The following SNX14 variants were observed in gnomAD, a reference collection of about 807,000 sequenced individuals.
The protein encoded by SNX14 is sorting nexin-14.
A neutral mutation model predicts 133.8 loss-of-function variants in SNX14; 93 were observed. The observed-to-expected ratio is 0.70, with a 90% CI of 0.59 to 0.83. The LOEUF (loss-of-function observed/expected upper bound fraction) is 0.83. SNX14 is among the 40% of genes least tolerant of loss of function. The pLI is 0.00. For synonymous variants in SNX14, 368 were observed against 365.6 expected (o/e 1.01, Z -0.07); for missense variants, 945 against 1,094.9 (o/e 0.86, Z 1.93).
chr6:85,512,039 CT>C (rs1402039826), intron 26 of SNX14, among the ~76,000 whole-genome samples: 2 of 152,126 alleles, frequency 1.3e-5, no homozygotes, highest in East Asian at 1.9e-4. Flanking sequence ...TCAGGCCCCC[CT>C]GACCCCCTTG....
intron 1 of SNX14, among the ~76,000 whole-genome samples, chr6:85,578,110 G>C (rs906228402): frequency 2.0e-5 from 3 of 152,046 alleles, no homozygotes; most frequent in African/African-American, 7.2e-5. Context: ...TAGGAGAAAA[G>C]GAGGCAAGAG....
chr6:85,548,450 A>C, intron 8 of SNX14, 74 bp from the exon 9 acceptor site: 1 of 1,120,044 alleles, frequency 8.9e-7, no homozygotes, highest in East Asian at 2.7e-5. Context: ...GTGCATGTGA[A>C]TTACGTAAGG....
rs1271931954 is a variant in SNX14 at position 85,572,134 on chromosome 6, T to C, written c.417+3A>G. The C allele has an allele frequency of 1.2e-6, 2 of 1,607,026 alleles. No homozygotes were observed. Among genetic ancestry groups the C allele is most frequent in the Non-Finnish European group, 1.7e-6 (2 of 1,177,272 alleles). Reference sequence around the variant, plus strand: ...TGTTAATAATATTAATTAAATCAGTTACCTCTGAGAGAGATGCATCAACCT... The same window carrying C: ...TGTTAATAATATTAATTAAATCAGTCACCTCTGAGAGAGATGCATCAACCT... On this transcript the variant is annotated splice_donor_region_variant and intron_variant, in intron 4 of 28. Coordinates refer to ENST00000314673, the MANE Select transcript of SNX14 (RefSeq NM_153816.6).
At chr6:85,537,459 GC>G (rs1395754403) in intron 16 of SNX14, among the ~76,000 whole-genome samples, 2 of 152,140 alleles carry the variant, frequency 1.3e-5, no homozygotes, top group Non-Finnish European at 2.9e-5. Flanking sequence ...AGGGATAAAA[GC>G]AAATGTAGCC....
chr6:85,518,809 C>G (rs1346476653), intron 21 of SNX14, among the ~76,000 whole-genome samples: 1 of 152,168 alleles, frequency 6.6e-6, no homozygotes, highest in African/African-American at 2.4e-5. Flanking sequence ...TCATAACACC[C>G]CCTCCTTAGA....
chr6:85,561,672 C>T (rs1791653040), intron 6 of SNX14, among the ~76,000 whole-genome samples: 1 of 152,128 alleles, frequency 6.6e-6, no homozygotes, highest in Non-Finnish European at 1.5e-5. Context: ...AAATCAGCAT[C>T]AGCCCACCAC....
At chr6:85,515,262 CA>C (rs751549621) in intron 23 of SNX14, among the ~76,000 whole-genome samples, 655 of 22,750 alleles carry the variant, frequency 0.029, 1 homozygote, top group African/African-American at 0.07. Context: ...GCAAGACCGT[CA>C]AAAAAAAAAA....
chr6:85,524,629 A>T (rs1778002870), intron 21 of SNX14, among the ~76,000 whole-genome samples: 1 of 151,874 alleles, frequency 6.6e-6, no homozygotes, highest in African/African-American at 2.4e-5. Context: ...TAAAACTACA[A>T]AAAAATTAGC....
chr6:85,545,282 C>G (rs1582806308), intron 12 of SNX14, among the ~76,000 whole-genome samples: 1 of 151,994 alleles, frequency 6.6e-6, no homozygotes, highest in South Asian at 2.1e-4. Context: ...AAACAAACAC[C>G]AAGATGTAAG....
chr6:85,568,519 A>G (rs1190562559), intron 4 of SNX14: 3 of 152,250 alleles, frequency 2.0e-5, no homozygotes, highest in Admixed American at 6.5e-5. Context: ...ATATAAGTGA[A>G]AAAGTAACAA....
rs1785927718 is a variant in SNX14, at chr6:85,547,193, G to C, written c.1027C>G (p.Gln343Glu). ...ATAAAACGAAATAAAAGATCTTGTT[G>C]CTCTCTGATTTGCTTCAATTCTAAC... ...LKLELKQIRE[Q>E]QDLLFRFMNF... Residue 343 changes from glutamine (Q) to glutamate (E), a missense_variant, in exon 12 of 29, where the codon CAA becomes GAA. Gln to Glu is a conservative substitution (Grantham distance 29). Transcript: ENST00000314673. 6.2e-7 allele frequency: 1 copy of C among 1,613,976 alleles called. No individual in the cohort carries two copies. Among genetic ancestry groups the C allele is most frequent in the Non-Finnish European group, 8.5e-7 (1 of 1,179,938 alleles).
chr6:85,515,916 T>C (rs1774797613), intron 23 of SNX14, among the ~76,000 whole-genome samples: 1 of 152,196 alleles, frequency 6.6e-6, no homozygotes, highest in Non-Finnish European at 1.5e-5. Context: ...AATAAAGAGA[T>C]ATACAGTTTA....
chr6:85,592,619 T>A (rs6923017), intron 1 of SNX14, among the ~76,000 whole-genome samples: 1 of 152,136 alleles, frequency 6.6e-6, no homozygotes, highest in African/African-American at 2.4e-5. Flanking sequence ...AAAATGTCAA[T>A]TGAATTTATC....
chr6:85,507,802 CAA>C (rs556042533), intron 27 of SNX14, among the ~76,000 whole-genome samples, 164 bp downstream of exon 27: 32 of 152,052 alleles, frequency 2.1e-4, no homozygotes, highest in African/African-American at 7.2e-4. Context: ...AAAACTGAAA[CAA>C]AAAGAGTAAC....
chr6:85,523,894 C>G (rs552409040), intron 21 of SNX14, among the ~76,000 whole-genome samples: 1 of 152,270 alleles, frequency 6.6e-6, no homozygotes, highest in South Asian at 2.1e-4. Flanking sequence ...GATGATAGAT[C>G]AGATGGTGAC....
intron 1 of SNX14, among the ~76,000 whole-genome samples, chr6:85,593,202 C>A (rs1803460310): frequency 6.6e-6 from 1 of 152,188 alleles, no homozygotes; most frequent in Non-Finnish European, 1.5e-5. Context: ...CCTAAAATTG[C>A]GGCTACGAAC....
intron 6 of SNX14, 75 bp from the exon 7 acceptor site, chr6:85,558,135 T>C (rs1790346601): frequency 2.7e-6 from 2 of 727,488 alleles, no homozygotes; most frequent in East Asian, 2.5e-5. Context: ...ACAATTATGA[T>C]ATTGGAATAT....
At chr6:85,536,650 A>T in intron 17 of SNX14, 142 bp downstream of exon 17, 1 of 682,510 alleles carries the variant, frequency 1.5e-6, no homozygotes, top group Admixed American at 3.3e-5. Flanking sequence ...ATACAAAGGA[A>T]GTCTGAAGTA....
intron 21 of SNX14, among the ~76,000 whole-genome samples, chr6:85,522,752 A>C (rs1488455857): frequency 6.6e-6 from 1 of 152,164 alleles, no homozygotes; most frequent in African/African-American, 2.4e-5. Flanking sequence ...GATCAAGTCC[A>C]AATTCCTTAT....
Sources: allele counts gnomAD v4.1 joint callset (sites outside exome capture counted in the v4.1 genomes callset), GRCh38; gene constraint gnomAD v4.1.1; transcripts MANE v1.5; gene names NCBI Gene and HGNC (gene_info 2026-07-23, HGNC 2026-07-21).